The following TBXAS1 variants were observed in gnomAD, a reference collection of about 807,000 sequenced individuals.
The protein encoded by TBXAS1 is thromboxane A synthase 1.
A neutral mutation model predicts 60.7 loss-of-function variants in TBXAS1; 48 were observed. The ratio of observed to expected loss-of-function variants is 0.79; its 90% CI spans 0.63 to 1.01. TBXAS1 has a LOEUF of 1.01. TBXAS1 is among the 50% of genes least tolerant of loss of function. The pLI is 0.00. For missense variants in TBXAS1, 685 were observed against 686.3 expected (o/e 1.00, Z 0.02); for synonymous variants, 287 against 269.7 (o/e 1.06, Z -0.63).
rs60206896 is a variant in TBXAS1 at position 139,926,611 on chromosome 7, C to CATTTCATTG, written c.334-9580_334-9579insATTTCATTG. Among the ~76,000 whole-genome samples, 67 of 151,144 alleles carry CATTTCATTG rather than the reference C, an allele frequency of 4.4e-4. 1 individual carries two copies. The highest frequency in any genetic ancestry group is 1.5e-3 in the African/African-American group (63 of 41,252). ...ATTTTGTCGATCTTTTGTATTGTTT[C>CATTTCATTG]CTTCATTTCAATTTCATTTATTTCT... On this transcript the variant is annotated intron_variant, in intron 4 of 12. Coordinates refer to ENST00000448866, the MANE Select transcript of TBXAS1 (RefSeq NM_001061.7).
chr7:139,862,250 G>C (rs561270706), intron 1 of TBXAS1, among the ~76,000 whole-genome samples: 1 of 152,310 alleles, frequency 6.6e-6, no homozygotes, highest in South Asian at 2.1e-4. Flanking sequence ...GTATTGAAGT[G>C]ATGGGACTCA....
chr7:139,796,791 C>G (rs562351083), intron 4 of TBXAS1, among the ~76,000 whole-genome samples: 40 of 152,276 alleles, frequency 2.6e-4, no homozygotes, highest in Admixed American at 7.2e-4. Flanking sequence ...TAAAACAGCT[C>G]TTAAAAAATA....
At chr7:139,988,631 G>A (rs753521451) in intron 9 of TBXAS1, among the ~76,000 whole-genome samples, 1 of 151,962 alleles carries the variant, frequency 6.6e-6, no homozygotes, top group Non-Finnish European at 1.5e-5. Flanking sequence ...GGGTACTTCT[G>A]CTTGCCTCAG....
intron 5 of TBXAS1, among the ~76,000 whole-genome samples, chr7:139,937,097 C>T (rs570764259): frequency 3.3e-5 from 5 of 152,216 alleles, no homozygotes; most frequent in African/African-American, 4.8e-5. Context: ...CTAAGCCTGA[C>T]AGCCCCCTCA....
chr7:139,802,871 C>G (rs1454045132), intron 4 of TBXAS1, among the ~76,000 whole-genome samples: 1 of 152,146 alleles, frequency 6.6e-6, no homozygotes, highest in Non-Finnish European at 1.5e-5. Context: ...GCTCTCTTGC[C>G]TGCTGCCATG....
chr7:139,904,660 C>G (rs13246957), intron 3 of TBXAS1, among the ~76,000 whole-genome samples: 48,083 of 151,926 alleles, frequency 0.32, 8,395 homozygotes, highest in African/African-American at 0.46. Context: ...GAGTTCTTTC[C>G]ACTCCTTGGT....
chr7:139,804,675 T>A (rs952240855), intron 4 of TBXAS1, among the ~76,000 whole-genome samples: 4 of 152,132 alleles, frequency 2.6e-5, no homozygotes, highest in African/African-American at 9.7e-5. Flanking sequence ...TCCTGTGCTA[T>A]TTTCATGATA....
chr7:139,782,292 A>G (rs1485566881), intron 2 of TBXAS1, among the ~76,000 whole-genome samples: 1 of 152,112 alleles, frequency 6.6e-6, no homozygotes, highest in Non-Finnish European at 1.5e-5. Context: ...TAATAAAGGC[A>G]AGAAAACTGG....
At chr7:139,827,896 T>A (rs1249000567), upstream of TBXAS1, among the ~76,000 whole-genome samples, 2 of 152,216 alleles carry the variant, frequency 1.3e-5, no homozygotes, top group Admixed American at 1.3e-4. Context: ...GGTTCTTCTG[T>A]CTCACAGCTC....
intron 9 of TBXAS1, among the ~76,000 whole-genome samples, chr7:140,006,456 T>G (rs1814083972): frequency 6.6e-6 from 1 of 152,218 alleles, no homozygotes; most frequent in Non-Finnish European, 1.5e-5. Context: ...CCTGTGCAAA[T>G]GGAATCTCAT....
chr7:139,895,232 G>A (rs1322445606), intron 3 of TBXAS1, among the ~76,000 whole-genome samples: 1 of 152,212 alleles, frequency 6.6e-6, no homozygotes, highest in African/African-American at 2.4e-5. Context: ...TGGGGGAATG[G>A]AAGTTGTGGC....
chr7:139,953,567 G>C (rs532393920), intron 6 of TBXAS1, 111 bp downstream of exon 6: 1 of 1,040,374 alleles, frequency 9.6e-7, no homozygotes, highest in Non-Finnish European at 1.5e-6. Context: ...GGAAACGCTA[G>C]AAGCTCATAA....
intron 3 of TBXAS1, chr7:139,906,172 C>A: frequency 3.2e-6 from 1 of 315,048 alleles, no homozygotes; most frequent in Non-Finnish European, 6.2e-6. Flanking sequence ...TCTCCTGCCT[C>A]AGCCTCCTGA....
In TBXAS1 at chr7:139,975,028, T is replaced by C. The variant is rs1811468519; in HGVS notation, c.1134+12795T>C. Among the ~76,000 whole-genome samples the C allele has an allele frequency of 6.6e-6, 1 of 152,218 alleles. No homozygotes were observed. Among genetic ancestry groups the C allele is most frequent in the African/African-American group, 2.4e-5 (1 of 41,450 alleles). On this transcript the variant is annotated intron_variant, in intron 9 of 12. Transcript: ENST00000448866. This position sits in a 1 kb window ranked among gnomAD's most constrained non-coding sequence, Gnocchi z 4.4. ...TATGGAGTTTGGCAAGTGTGAAGTCTGCAGGGCAGGCTGGCAGTTTGGACA... is the reference window on the plus strand; with the variant it reads ...TATGGAGTTTGGCAAGTGTGAAGTCCGCAGGGCAGGCTGGCAGTTTGGACA...
rs145636435 is a variant in TBXAS1, at chr7:139,998,359, G to A, written c.1135-8732G>A. 4.4e-3 allele frequency among the ~76,000 whole-genome samples: 675 copies of A among 152,214 alleles called. 3 individuals carry two copies. Among genetic ancestry groups the A allele is most frequent in the African/African-American group, 0.016 (650 of 41,524 alleles). ...GTTTGTGTCATATTTTTCCATATGC[G>A]TGTTATTCTTCCATAAAATGTACAA... is the stretch of plus-strand genomic sequence containing the variant. On this transcript the variant is annotated intron_variant, in intron 9 of 12. Coordinates refer to ENST00000448866, the MANE Select transcript of TBXAS1 (RefSeq NM_001061.7).
chr7:139,970,025 G>T (rs1410791332), intron 9 of TBXAS1, among the ~76,000 whole-genome samples: 2 of 152,218 alleles, frequency 1.3e-5, no homozygotes, highest in East Asian at 1.9e-4. Context: ...ACGTGCACGG[G>T]AATCACCTGG....
chr7:139,924,989 T>G (rs150843852), intron 4 of TBXAS1, among the ~76,000 whole-genome samples: 767 of 152,254 alleles, frequency 5.0e-3, no homozygotes, highest in Non-Finnish European at 9.3e-3. Flanking sequence ...TGTTTGTGGG[T>G]TTTCTCTTCT....
intron 5 of TBXAS1, among the ~76,000 whole-genome samples, chr7:139,947,040 C>T (rs1331213247): frequency 6.6e-6 from 1 of 152,114 alleles, no homozygotes; most frequent in African/African-American, 2.4e-5. Context: ...CCTTCTTGGT[C>T]GTTACTCTCT....
chr7:139,916,130 ACC>A lies in TBXAS1; in HGVS notation c.333+4810_333+4811del, dbSNP rs1480517956. Among the ~76,000 whole-genome samples, 1 of 152,124 alleles carries A rather than the reference ACC, an allele frequency of 6.6e-6. No individual in the cohort carries two copies. The highest frequency in any genetic ancestry group is 1.5e-5 in the Non-Finnish European group (1 of 68,022). ...GCTGTCAGGTACGGTACCTAATGAA[ACC>A]ATAGGGCAGCTCTTTTTTAAATATC... is the stretch of plus-strand genomic sequence containing the variant. On this transcript the variant is annotated intron_variant, in intron 4 of 12. Transcript: ENST00000448866. The surrounding 1 kb of genome is among the most constrained non-coding windows in gnomAD (Gnocchi z 4.2).
Sources: gnomAD v4.1 joint callset for allele counts (sites outside exome capture counted in the v4.1 genomes callset) on GRCh38, gnomAD v4.1.1 for gene constraint, Gnocchi (gnomAD v3.1) non-coding constraint, MANE v1.5 for transcripts, NCBI Gene and HGNC (gene_info 2026-07-23, HGNC 2026-07-21) for gene names.